GPRC6A: variants seen among roughly 807,000 people sequenced by gnomAD.
GPRC6A encodes G protein-coupled receptor class C group 6 member A, also known as G protein-coupled receptor family C group 6 member A.
GPRC6A carries 54 observed loss-of-function variants against 47.0 expected under a neutral mutation model. That is an observed-to-expected ratio of 1.15 (90% CI 0.92 to 1.44). GPRC6A has a LOEUF of 1.44. GPRC6A is among the 40% of genes most tolerant of loss of function. The pLI is 0.00. For synonymous variants in GPRC6A, 347 were observed against 377.1 expected (o/e 0.92, Z 0.93); for missense variants, 1,112 against 1,105.5 (o/e 1.01, Z -0.08).
chr6:116,793,205 G>C lies in GPRC6A; in HGVS notation c.1718C>G (p.Pro573Arg), dbSNP rs1278324212. Residue 573 changes from proline to arginine, a missense_variant, in exon 6 of 6, where the codon CCT becomes CGT. Transcript: ENST00000310357. ...LLCNNKTHWA[P>R]VRSTMCFEKE... Reference sequence around the variant, plus strand: ...TTCAAAGCACATAGTGCTCCTAACAGGGGCCCAGTGAGTTTTGTTGTTGCA... The same window carrying C: ...TTCAAAGCACATAGTGCTCCTAACACGGGCCCAGTGAGTTTTGTTGTTGCA... 6.2e-7 allele frequency: 1 copy of C among 1,606,906 alleles called. No homozygotes were observed. The highest frequency in any genetic ancestry group is 8.5e-7 in the Non-Finnish European group (1 of 1,177,350).
chr6:116,795,829 G>A lies in GPRC6A; in HGVS notation c.1555C>T (p.Gln519Ter), dbSNP rs1582452845. 3 of 1,587,158 alleles carry A rather than the reference G, an allele frequency of 1.9e-6. No homozygotes were observed. The highest frequency in any genetic ancestry group is 2.6e-6 in the Non-Finnish European group (3 of 1,165,470). ...CTGCATTCCTTGGAGCATTTAGATT[G>A]AATTTGCTATATTAAAAGTGAAAAA... ...KNEFRNLKQI[Q>*]SKCSKECSPG... is the part of the protein sequence containing the mutation. Residue 519 changes from glutamine to a stop codon, truncating the protein, a stop_gained, in exon 5 of 6, where the codon CAA (glutamine) becomes TAA (stop). Coordinates refer to ENST00000310357, the MANE Select transcript of GPRC6A (RefSeq NM_148963.4). LOFTEE classifies it high-confidence loss of function.
chr6:116,820,969 A>G (rs371600103), intron 1 of GPRC6A, among the ~76,000 whole-genome samples: 3,635 of 151,856 alleles, frequency 0.024, 144 homozygotes, highest in African/African-American at 0.084. Flanking sequence ...CCCATTGTCT[A>G]AGCCCAAAAT....
chr6:116,802,088 C>T (rs946971783), intron 3 of GPRC6A, among the ~76,000 whole-genome samples: 3 of 152,098 alleles, frequency 2.0e-5, no homozygotes, highest in East Asian at 3.9e-4. Context: ...ATAATTTCTA[C>T]CTCTTTTTTC....
intron 1 of GPRC6A, among the ~76,000 whole-genome samples, chr6:116,814,243 C>G (rs1270159787): frequency 6.6e-6 from 1 of 152,162 alleles, no homozygotes; most frequent in Non-Finnish European, 1.5e-5. Flanking sequence ...ACCTAGCAAT[C>G]TCATTACTGG....
At chr6:116,798,530 A>T (rs1772557506) in intron 4 of GPRC6A, among the ~76,000 whole-genome samples, 1 of 152,168 alleles carries the variant, frequency 6.6e-6, no homozygotes, top group Non-Finnish European at 1.5e-5. Context: ...ATAGGATGTC[A>T]TCAAAGGATT....
At chr6:116,795,612 A>T in intron 5 of GPRC6A, 100 bp downstream of exon 5, 1 of 1,011,570 alleles carries the variant, frequency 9.9e-7, no homozygotes, top group Non-Finnish European at 1.4e-6. Context: ...GAAGCTTTTT[A>T]AATTTTTTCA....
chr6:116,792,287 G>A lies in GPRC6A; in HGVS notation c.2636C>T (p.Thr879Ile). 2 of 1,614,046 alleles carry A rather than the reference G, an allele frequency of 1.2e-6. No homozygotes were observed. Among genetic ancestry groups the A allele is most frequent in the Non-Finnish European group, 1.7e-6 (2 of 1,179,954 alleles). Residue 879 changes from threonine (T) to isoleucine (I), a missense_variant, in exon 6 of 6, where the codon ACA becomes ATA. Transcript: ENST00000310357. ...ASLDSMSGNV[T>I]MTNPSSSGKS... ...GCCACTAGAGCTGGGATTGGTCATT[G>A]TGACATTGCCGCTCATGGAGTCCAG...
At chr6:116,829,185 C>T (rs866521123), upstream of GPRC6A, 2 of 594,812 alleles carry the variant, frequency 3.4e-6, no homozygotes, top group Admixed American at 3.8e-5. Context: ...AGTTATTTCA[C>T]CAATAAGAAC....
At chr6:116,807,294 A>C in intron 2 of GPRC6A, 88 bp from the exon 3 acceptor site, 1 of 748,244 alleles carries the variant, frequency 1.3e-6, no homozygotes. Flanking sequence ...GATTGCTGTA[A>C]ATTTTCATGA....
chr6:116,828,352 G>C (rs1276401643), intron 1 of GPRC6A, among the ~76,000 whole-genome samples: 2 of 151,878 alleles, frequency 1.3e-5, no homozygotes, highest in African/African-American at 4.8e-5. Flanking sequence ...TCAGGAAAGA[G>C]TTAGACTATT....
intron 1 of GPRC6A, 105 bp downstream of exon 1, chr6:116,828,715 G>A: frequency 1.0e-6 from 1 of 957,098 alleles, no homozygotes; most frequent in Non-Finnish European, 1.5e-6. Flanking sequence ...ATACATATGA[G>A]TTTATTTTTT....
At chr6:116,800,391 C>T (rs564261780) in intron 4 of GPRC6A, among the ~76,000 whole-genome samples, 193 bp downstream of exon 4, 16 of 138,938 alleles carry the variant, frequency 1.2e-4, no homozygotes, top group East Asian at 2.5e-4. Context: ...CTCTCTCTCT[C>T]TCTTTCTTTC....
chr6:116,818,261 G>A (rs79546488), intron 1 of GPRC6A, among the ~76,000 whole-genome samples: 6 of 151,830 alleles, frequency 4.0e-5, no homozygotes, highest in East Asian at 1.9e-4. Context: ...TCGGCCGGGC[G>A]CGGTGGCTCA....
intron 5 of GPRC6A, 96 bp from the exon 6 acceptor site, chr6:116,793,346 G>A: frequency 2.5e-6 from 2 of 810,322 alleles, no homozygotes; most frequent in Non-Finnish European, 3.7e-6. Context: ...TAATAGTTCT[G>A]ACTAGAGAAT....
At chr6:116,817,118 T>G (rs1194098171) in intron 1 of GPRC6A, among the ~76,000 whole-genome samples, 1 of 151,998 alleles carries the variant, frequency 6.6e-6, no homozygotes, top group Non-Finnish European at 1.5e-5. Flanking sequence ...CAGTAACCTC[T>G]GCAGACTTAA....
Position 116,807,051 on chromosome 6 carries a change from A to G in GPRC6A, c.654T>C (p.Asp218=), listed in dbSNP as rs780697933. The G allele has an allele frequency of 5.0e-6, 8 of 1,613,810 alleles. No homozygotes were observed. Among genetic ancestry groups the G allele is most frequent in the South Asian group, 1.1e-5 (1 of 91,072 alleles). The change falls in exon 3 of 6, where the codon GAT becomes GAC. Residue 218 remains aspartate (D), a synonymous_variant. Transcript: ENST00000310357. The part of the protein sequence containing the change: ...WNWIGIITTD[D]DYGRLALNTF... ...TGTTAAGAGCCAATCGTCCATAGTC[A>G]TCATCTGTGGTTATGATGCCAATCC...
In GPRC6A at chr6:116,807,208, T is replaced by G. The variant is rs766735772; in HGVS notation, c.499-2A>C. On this transcript the variant is annotated splice_acceptor_variant, in intron 2 of 5. Transcript: ENST00000310357. LOFTEE classifies it high-confidence loss of function. ...TTCTGCAGTTGATTCATAACCCACC[T>G]GGAAATAGACAGAATATTTTAGTTA... is the stretch of plus-strand genomic sequence containing the variant. 6.3e-7 allele frequency: 1 copy of G among 1,578,908 alleles called. No individual in the cohort carries two copies. Among genetic ancestry groups the G allele is most frequent in the Non-Finnish European group, 8.7e-7 (1 of 1,150,756 alleles).
chr6:116,800,677 G>A lies in GPRC6A; in HGVS notation c.1455C>T (p.His485=). Residue 485 remains histidine, a synonymous_variant, in exon 4 of 6, where the codon CAC becomes CAT. Transcript: ENST00000310357. ...DVVLWKEING[H]MTVTKMAEYD... ...ATTCTGCCATCTTAGTGACAGTCAT[G>A]TGTCCATTGATCTCCTTCCAGAGCA... The A allele has an allele frequency of 1.2e-6, 2 of 1,611,348 alleles. No homozygotes were observed. The highest frequency in any genetic ancestry group is 8.5e-7 in the Non-Finnish European group (1 of 1,177,664).
intron 1 of GPRC6A, among the ~76,000 whole-genome samples, chr6:116,824,987 T>C (rs1773633672): frequency 6.6e-6 from 1 of 151,904 alleles, no homozygotes; most frequent in Non-Finnish European, 1.5e-5. Flanking sequence ...GGACAAAAAC[T>C]ATGTGATCAT....
Sources: gnomAD v4.1 joint callset for allele counts (sites outside exome capture counted in the v4.1 genomes callset) on GRCh38, gnomAD v4.1.1 for gene constraint, MANE v1.5 for transcripts, NCBI Gene and HGNC (gene_info 2026-07-23, HGNC 2026-07-21) for gene names.